ZBTB49: variants seen among roughly 807,000 people sequenced by gnomAD.
The protein encoded by ZBTB49 is zinc finger and BTB domain containing 49, also known as zinc finger and BTB domain-containing protein 49.
Under a neutral mutation model 57.5 loss-of-function variants are expected in ZBTB49, and 43 were observed. That is an observed-to-expected ratio of 0.75 (90% CI 0.59 to 0.97). The LOEUF (loss-of-function observed/expected upper bound fraction) is 0.97. Among genes scored for constraint, ZBTB49 ranks in the 50% least tolerant of loss-of-function variants. The probability of loss-of-function intolerance (pLI) is 0.00; values close to 1 mark genes in which losing one functional copy is unlikely to be tolerated. For missense variants in ZBTB49, 938 were observed against 947.7 expected (o/e 0.99, Z 0.13); for synonymous variants, 369 against 362.1 (o/e 1.02, Z -0.22).
At chr4:4,307,964 T>A (rs1272150198) in intron 4 of ZBTB49, among the ~76,000 whole-genome samples, 2 of 152,226 alleles carry the variant, frequency 1.3e-5, no homozygotes, top group Non-Finnish European at 2.9e-5. Context: ...AAACCCGACA[T>A]TCAGTCAGGC....
chr4:4,316,082 T>G (rs1721185440), intron 7 of ZBTB49, 112 bp downstream of exon 7: 1 of 1,362,560 alleles, frequency 7.3e-7, no homozygotes, highest in African/African-American at 1.5e-5. Flanking sequence ...TTTCCTCCTG[T>G]TTTTTTATTG....
At chr4:4,313,232 C>T in intron 5 of ZBTB49, 118 bp downstream of exon 5, 3 of 1,053,954 alleles carry the variant, frequency 2.8e-6, no homozygotes, top group Non-Finnish European at 4.1e-6. Flanking sequence ...GCTCACCCTG[C>T]CACTGCAGAA....
At position 4,305,575 on chromosome 4, in the gene ZBTB49, A is replaced by G. The variant is rs111871137; in HGVS notation, c.1256-563A>G. 9.8e-4 allele frequency among the ~76,000 whole-genome samples: 150 copies of G among 152,318 alleles called. 1 individual carries two copies. Among genetic ancestry groups the G allele is most frequent in the African/African-American group, 3.5e-3 (146 of 41,572 alleles). Reference sequence around the variant, plus strand: ...TACTTAGTTATTGAAATTAGAGGTGATAAAGAAGTCCGCAGAGGAGCACAT... The same window carrying G: ...TACTTAGTTATTGAAATTAGAGGTGGTAAAGAAGTCCGCAGAGGAGCACAT... On this transcript the variant is annotated intron_variant, in intron 3 of 7. Coordinates refer to ENST00000337872, the MANE Select transcript of ZBTB49 (RefSeq NM_145291.4).
intron 4 of ZBTB49, among the ~76,000 whole-genome samples, chr4:4,310,355 C>G (rs2108890372): frequency 6.6e-6 from 1 of 152,296 alleles, no homozygotes; most frequent in South Asian, 2.1e-4. Context: ...TTACTAACCT[C>G]TCAGAGCCTC....
chr4:4,291,835 T>C (rs1292988995), intron 1 of ZBTB49, among the ~76,000 whole-genome samples: 1 of 152,248 alleles, frequency 6.6e-6, no homozygotes, highest in East Asian at 1.9e-4. Context: ...CTCCATTTAA[T>C]AACTTTGGTA....
chr4:4,319,823 T>A (rs1191188519), intron 7 of ZBTB49, among the ~76,000 whole-genome samples: 2 of 145,804 alleles, frequency 1.4e-5, no homozygotes, highest in Non-Finnish European at 3.0e-5. Flanking sequence ...TTTGGGAGGC[T>A]GAGGTGGGCA....
intron 1 of ZBTB49, among the ~76,000 whole-genome samples, chr4:4,295,315 G>A (rs543658729): frequency 3.3e-5 from 5 of 152,114 alleles, no homozygotes; most frequent in Non-Finnish European, 7.4e-5. Context: ...GGGGGGAGCA[G>A]GGACTGCCAA....
intron 4 of ZBTB49, among the ~76,000 whole-genome samples, chr4:4,307,018 C>G (rs968612422): frequency 2.0e-5 from 3 of 152,246 alleles, no homozygotes; most frequent in Non-Finnish European, 2.9e-5. Flanking sequence ...CTCGCATTCC[C>G]CCTAGAGCAG....
Position 4,302,864 on chromosome 4 carries a change from A to G in ZBTB49, c.1028A>G (p.Asn343Ser). 8 of 1,613,856 alleles carry G rather than the reference A, an allele frequency of 5.0e-6. No individual in the cohort carries two copies. The highest frequency in any genetic ancestry group is 6.8e-6 in the Non-Finnish European group (8 of 1,179,790). ...AAGAGGTTGGAATCTGCTAGTAAAA[A>G]TACCCTAGAGAAAGCTAGCAGCCAA... Reference protein sequence around the residue: ...LTKRLESASKNTLEKASSQSA... With the variant: ...LTKRLESASKSTLEKASSQSA... Residue 343 changes from asparagine (N) to serine (S), a missense_variant, in exon 3 of 8, where the codon AAT (asparagine) becomes AGT (serine). Asn to Ser is a conservative substitution (Grantham distance 46). Around this residue, in one of 3 missense-constraint regions of ZBTB49, gnomAD observed 835 missense variants for 819.1 expected, o/e 1.02. Transcript: ENST00000337872.
At chr4:4,310,959 T>C (rs993487054) in intron 4 of ZBTB49, among the ~76,000 whole-genome samples, 5 of 152,202 alleles carry the variant, frequency 3.3e-5, no homozygotes, top group African/African-American at 4.8e-5. Flanking sequence ...AATCTGGGCC[T>C]GAGTTTGCTG....
intron 1 of ZBTB49, among the ~76,000 whole-genome samples, chr4:4,295,029 T>C (rs1720127445): frequency 6.6e-6 from 1 of 152,144 alleles, no homozygotes; most frequent in Non-Finnish European, 1.5e-5. Flanking sequence ...TGATCTTGGA[T>C]AAGTGACTTA....
At chr4:4,293,522 C>T (rs1720042792) in intron 1 of ZBTB49, among the ~76,000 whole-genome samples, 1 of 152,226 alleles carries the variant, frequency 6.6e-6, no homozygotes, top group South Asian at 2.1e-4. Flanking sequence ...AGCTGTGTGA[C>T]CATCTTCTCT....
chr4:4,303,137 G>C, intron 3 of ZBTB49, 46 bp downstream of exon 3: 1 of 1,511,842 alleles, frequency 6.6e-7, no homozygotes, highest in African/African-American at 1.4e-5. Flanking sequence ...ACGTAATGCG[G>C]ATGCTCAGAC....
intron 1 of ZBTB49, among the ~76,000 whole-genome samples, chr4:4,292,814 G>C (rs1302588875): frequency 6.6e-6 from 1 of 152,174 alleles, no homozygotes; most frequent in Non-Finnish European, 1.5e-5. Context: ...CTATCCAGTA[G>C]TATTTGACCT....
chr4:4,320,645 T>C lies in ZBTB49; in HGVS notation c.1627T>C (p.Cys543Arg). 1 of 1,613,428 alleles carries C rather than the reference T, an allele frequency of 6.2e-7. No individual in the cohort carries two copies. Among genetic ancestry groups the C allele is most frequent in the Non-Finnish European group, 8.5e-7 (1 of 1,179,878 alleles). The change falls in exon 8 of 8, where the codon TGT (cysteine) becomes CGT (arginine). Residue 543 changes from cysteine to arginine, a missense_variant. Around this residue, in one of 3 missense-constraint regions of ZBTB49, gnomAD observed 835 missense variants for 819.1 expected, o/e 1.02. Transcript: ENST00000337872. ...AACTGTTTTTCTTTTTCCAGGGAAA[T>C]GTTTTGGGGGATCAGGTGACCTCCG... ...RPYSCSACGK[C>R]FGGSGDLRRH...
intron 4 of ZBTB49, among the ~76,000 whole-genome samples, chr4:4,312,042 C>T (rs1720999992): frequency 6.6e-6 from 1 of 152,130 alleles, no homozygotes; most frequent in South Asian, 2.1e-4. Flanking sequence ...ATGCAATTTG[C>T]AAATTAAAAA....
chr4:4,297,773 C>CAA (rs554296344), intron 1 of ZBTB49, among the ~76,000 whole-genome samples: 50,821 of 115,162 alleles, frequency 0.44, 11,469 homozygotes, highest in Middle Eastern at 0.6. Flanking sequence ...GATCCTGTTT[C>CAA]AAAAAAAAAA....
In ZBTB49 at chr4:4,320,918, G is replaced by A; in HGVS notation, c.1900G>A (p.Val634Ile). ...GATGCCAGTGTCGGTTAAACTCCCT[G>A]TCCACCCAGTGGAAAATTCTGTGGC... is the stretch of plus-strand genomic sequence containing the variant. ...TLMPVSVKLP[V>I]HPVENSVAEF... Residue 634 changes from valine to isoleucine, a missense_variant, in exon 8 of 8, where the codon GTC (valine) becomes ATC (isoleucine). Transcript: ENST00000337872. The A allele has an allele frequency of 6.2e-7, 1 of 1,614,172 alleles. No individual in the cohort carries two copies. Among genetic ancestry groups the A allele is most frequent in the Non-Finnish European group, 8.5e-7 (1 of 1,180,026 alleles).
chr4:4,294,176 A>G (rs1350745091), intron 1 of ZBTB49, among the ~76,000 whole-genome samples: 1 of 152,164 alleles, frequency 6.6e-6, no homozygotes, highest in Non-Finnish European at 1.5e-5. Flanking sequence ...TTTATAATTG[A>G]CAGAACACAT....
Sources: gnomAD v4.1 joint callset for allele counts (sites outside exome capture counted in the v4.1 genomes callset) on GRCh38, gnomAD v4.1.1 for gene constraint, gnomAD v4.1.1 regional missense constraint, MANE v1.5 for transcripts, NCBI Gene and HGNC (gene_info 2026-07-23, HGNC 2026-07-21) for gene names.